The following TRAFD1 variants were observed in gnomAD, a reference collection of about 807,000 sequenced individuals.
The protein encoded by TRAFD1 is TRAF-type zinc finger domain containing 1, also known as TRAF-type zinc finger domain-containing protein 1.
In TRAFD1, 38 loss-of-function variants were observed where a neutral mutation model predicts 65.3. The ratio of observed to expected loss-of-function variants is 0.58; its 90% CI spans 0.45 to 0.76. The LOEUF (loss-of-function observed/expected upper bound fraction) is 0.76, where lower values mean the gene tolerates loss of function less well. Ranked by LOEUF, TRAFD1 falls within the 30% of genes least tolerant of loss-of-function variation. The probability of loss-of-function intolerance (pLI) is 0.00; values close to 1 mark genes in which losing one functional copy is unlikely to be tolerated. For missense variants in TRAFD1, 631 were observed against 712.6 expected (o/e 0.89, Z 1.30); for synonymous variants, 223 against 257.2 (o/e 0.87, Z 1.27).
rs2079591492 is a variant in TRAFD1 at position 112,135,171 on chromosome 12, CA to C, written c.237+106del. On this transcript the variant is annotated intron_variant, in intron 4 of 11. Coordinates refer to ENST00000412615, the MANE Select transcript of TRAFD1 (RefSeq NM_006700.3). ...GTTGAGTGTTAGTTCTCCGTGAGCTCACATGCATACTGTTTCTCAAAGCCTG... is the reference window on the plus strand; with the variant it reads ...GTTGAGTGTTAGTTCTCCGTGAGCTCCATGCATACTGTTTCTCAAAGCCTG... The C allele has an allele frequency of 2.4e-6, 3 of 1,271,724 alleles. No individual in the cohort carries two copies. The South Asian group carries it at 3.7e-5, about 16-fold the overall frequency. The allele number at this position is 1,271,724 out of a possible 1,614,324, so 78.8% of individuals were successfully genotyped here. A position where few individuals can be genotyped will look rare whatever the true frequency, so the allele number is the denominator to read the frequency against.
intron 4 of TRAFD1, among the ~76,000 whole-genome samples, chr12:112,136,726 C>T (rs983372601): frequency 1.3e-5 from 2 of 152,182 alleles, no homozygotes; most frequent in Non-Finnish European, 2.9e-5. Context: ...GGTGGTACTA[C>T]AGGTATAGGC....
At position 112,142,858 on chromosome 12, in the gene TRAFD1, A is replaced by G. The variant is rs566302521; in HGVS notation, c.850+563A>G. 5.6e-4 allele frequency among the ~76,000 whole-genome samples: 86 copies of G among 152,306 alleles called. 1 individual carries two copies. In the South Asian group the frequency reaches 0.018, roughly 31 times the overall value. ...AAATACATAAAAGTAATGTGAGGAA[A>G]TATTAAGCTTTGTGAATATAGATGA... On this transcript the variant is annotated intron_variant, in intron 6 of 11. Coordinates refer to ENST00000412615, the MANE Select transcript of TRAFD1 (RefSeq NM_006700.3).
intron 7 of TRAFD1, 106 bp downstream of exon 7, chr12:112,145,768 A>G (rs2030222118): frequency 5.4e-6 from 5 of 924,766 alleles, no homozygotes; most frequent in South Asian, 3.1e-5. Context: ...TACAATGCCC[A>G]TAGTAGGAAT....
chr12:112,136,664 T>G (rs1188469995), intron 4 of TRAFD1, among the ~76,000 whole-genome samples: 1 of 152,164 alleles, frequency 6.6e-6, no homozygotes, highest in Non-Finnish European at 1.5e-5. Context: ...AATGGCATGA[T>G]CATAACTCAC....
At position 112,152,445 on chromosome 12, in the gene TRAFD1, C is replaced by T; in HGVS notation, c.1638C>T (p.Gly546=). ...RYGASGRSEG[G]RNSRVTPAAA... ...CTTTCAGTGGTAGGAGTGAAGGTGG[C>T]AGGAATTCCCGGGTCACCCCTGCAG... The change falls in exon 11 of 12, where the codon GGC becomes GGT. Residue 546 remains glycine (G), a synonymous_variant. Transcript: ENST00000412615. This position sits in a 1 kb window ranked among gnomAD's most constrained non-coding sequence, Gnocchi z 5.0. The T allele has an allele frequency of 6.2e-7, 1 of 1,613,558 alleles. No homozygotes were observed. The highest frequency in any genetic ancestry group is 1.1e-5 in the South Asian group (1 of 91,070).
At chr12:112,150,968 G>A (rs993308183) in intron 9 of TRAFD1, among the ~76,000 whole-genome samples, 1 of 152,082 alleles carries the variant, frequency 6.6e-6, no homozygotes, top group African/African-American at 2.4e-5. Flanking sequence ...GGCTGGGCAT[G>A]GTGACTCACA....
In TRAFD1 at chr12:112,142,207, C is replaced by T; in HGVS notation, c.762C>T (p.Ala254=). Reference sequence around the variant, plus strand: ...TAAGTCTGCAAAATGAAGGCCAAGCCTCCAGTGTGGCAGAGCAGGACTTCT... The same window carrying T: ...TAAGTCTGCAAAATGAAGGCCAAGCTTCCAGTGTGGCAGAGCAGGACTTCT... ...LALSLQNEGQ[A]SSVAEQDFWR... is the part of the protein sequence containing the mutation. Residue 254 remains alanine, a synonymous_variant, in exon 6 of 12, where the codon GCC becomes GCT. Coordinates refer to ENST00000412615, the MANE Select transcript of TRAFD1 (RefSeq NM_006700.3). 6.2e-7 allele frequency: 1 copy of T among 1,614,004 alleles called. No individual in the cohort carries two copies.
chr12:112,146,861 A>G (rs1478131803), intron 7 of TRAFD1, among the ~76,000 whole-genome samples: 2 of 152,134 alleles, frequency 1.3e-5, no homozygotes, highest in East Asian at 3.9e-4. Context: ...CCAGTTTCGG[A>G]ATCTCTAAAT....
At chr12:112,139,983 C>CT (rs1276536258) in intron 4 of TRAFD1, 1 of 179,948 alleles carries the variant, frequency 5.6e-6, no homozygotes, top group Non-Finnish European at 1.2e-5. Flanking sequence ...GCACACCACT[C>CT]TGTCGCTGGG....
chr12:112,153,037 C>A lies in TRAFD1; in HGVS notation c.*246C>A. 2.2e-6 allele frequency: 1 copy of A among 464,240 alleles called. No individual in the cohort carries two copies. The highest frequency in any genetic ancestry group is 3.8e-6 in the Non-Finnish European group (1 of 261,254). 28.8% of individuals were successfully genotyped at this position (464,240 alleles called of 1,614,324 possible). On this transcript the variant is annotated 3_prime_UTR_variant, in exon 12 of 12. Transcript: ENST00000412615. ...GCTACCTTTCGGCAGCAGTGAAATA[C>A]AAGCTGCAGCCTCGGCTGCCAGGGC...
chr12:112,139,664 C>T (rs2030027681), intron 4 of TRAFD1, among the ~76,000 whole-genome samples: 1 of 152,188 alleles, frequency 6.6e-6, no homozygotes, highest in Non-Finnish European at 1.5e-5. Context: ...TTCAGGTGAT[C>T]TGCCTGCCTT....
intron 4 of TRAFD1, chr12:112,140,141 C>A: frequency 2.9e-6 from 1 of 340,620 alleles, no homozygotes. Context: ...GAATTGGAGG[C>A]CGGGCGTGGT....
Sources: gnomAD v4.1 joint callset for allele counts (sites outside exome capture counted in the v4.1 genomes callset) on GRCh38, gnomAD v4.1.1 for gene constraint, Gnocchi (gnomAD v3.1) non-coding constraint, MANE v1.5 for transcripts, NCBI Gene and HGNC (gene_info 2026-07-23, HGNC 2026-07-21) for gene names.